The following ATXN7L1 variants were observed in gnomAD, a reference collection of about 807,000 sequenced individuals.
ATXN7L1 encodes ataxin 7 like 1, also known as ataxin-7-like protein 1.
In ATXN7L1, 15 loss-of-function variants were observed where a neutral mutation model predicts 70.8. That is an observed-to-expected ratio of 0.21 (90% CI 0.14 to 0.33). The LOEUF is 0.33. Ranked by LOEUF, ATXN7L1 falls within the 10% of genes least tolerant of loss-of-function variation. ATXN7L1 has a pLI of 1.00. For synonymous variants in ATXN7L1, 440 were observed against 445.1 expected, an observed-to-expected ratio of 0.99 and a Z score of 0.14; for missense variants, 975 against 1,097.1, an observed-to-expected ratio of 0.89 and a Z score of 1.57.
chr7:105,764,299 AAG>A (rs1288144190), intron 3 of ATXN7L1, among the ~76,000 whole-genome samples: 3 of 151,702 alleles, frequency 2.0e-5, no homozygotes, highest in African/African-American at 2.4e-5. Flanking sequence ...GCAAAGCTTA[AAG>A]AAAAAAAAAA....
chr7:105,658,958 G>A lies in ATXN7L1; in HGVS notation c.578+6108C>T, dbSNP rs139013604. On this transcript the variant is annotated intron_variant, in intron 4 of 11. Transcript: ENST00000419735. ...TCAAGACCAGGCTGGCTAAGATGGT[G>A]AAACCCCGTCTCTACTGAAAACACA... 5.9e-3 allele frequency among the ~76,000 whole-genome samples: 892 copies of A among 152,316 alleles called. 9 individuals carry two copies. Among genetic ancestry groups the A allele is most frequent in the African/African-American group, 0.021 (864 of 41,570 alleles).
chr7:105,704,207 A>G lies in ATXN7L1; in HGVS notation c.356-38919T>C, dbSNP rs371682623. Among the ~76,000 whole-genome samples, 25 of 152,304 alleles carry G rather than the reference A, an allele frequency of 1.6e-4. No individual in the cohort carries two copies. In the East Asian group the frequency reaches 4.1e-3, roughly 25 times the overall value. On this transcript the variant is annotated intron_variant, in intron 3 of 11. Transcript: ENST00000419735. The stretch of plus-strand genomic sequence containing the variant: ...CCCTTAGTACATTTTCCTCATCACC[A>G]GATTTTGAGCCTCAGGAAAGCAGAG...
At chr7:105,668,531 A>G (rs761311883) in intron 3 of ATXN7L1, among the ~76,000 whole-genome samples, 1 of 152,000 alleles carries the variant, frequency 6.6e-6, no homozygotes, top group Non-Finnish European at 1.5e-5. Context: ...GAAGATTCTC[A>G]AGATCTCAGT....
chr7:105,741,595 A>G lies in ATXN7L1; in HGVS notation c.355+47009T>C, dbSNP rs371451868. 3.9e-5 allele frequency among the ~76,000 whole-genome samples: 6 copies of G among 152,278 alleles called. No individual in the cohort carries two copies. In the East Asian group the frequency reaches 1.2e-3, roughly 29 times the overall value. On this transcript the variant is annotated intron_variant, in intron 3 of 11. Transcript: ENST00000419735. Reference sequence around the variant, plus strand: ...AGGGGTGATGGATCGGCCAGCTGGAAGGCAGTGTCAGCAATTCAGACATGG... The same window carrying G: ...AGGGGTGATGGATCGGCCAGCTGGAGGGCAGTGTCAGCAATTCAGACATGG...
intron 2 of ATXN7L1, 84 bp from the exon 3 acceptor site, chr7:105,788,792 A>G: frequency 8.6e-7 from 1 of 1,163,264 alleles, no homozygotes; most frequent in Non-Finnish European, 1.3e-6. Context: ...AATTTCTTCA[A>G]GGACAGTTTT....
intron 3 of ATXN7L1, chr7:105,761,551 C>A: frequency 6.6e-7 from 1 of 1,521,474 alleles, no homozygotes; most frequent in Non-Finnish European, 9.0e-7. Context: ...ATTACTCATG[C>A]CAATTGCCAT....
intron 2 of ATXN7L1, among the ~76,000 whole-genome samples, chr7:105,822,596 C>T (rs892614249): frequency 6.6e-6 from 1 of 152,226 alleles, no homozygotes; most frequent in African/African-American, 2.4e-5. Context: ...GAGCGCCTTG[C>T]AGTTTATAAA....
In ATXN7L1 at chr7:105,614,074, C is replaced by G. The variant is rs188783768; in HGVS notation, c.2260G>C (p.Ala754Pro). The G allele has an allele frequency of 7.1e-6, 11 of 1,551,634 alleles. No homozygotes were observed. The highest frequency in any genetic ancestry group is 8.7e-6 in the Non-Finnish European group (10 of 1,147,006). Residue 754 changes from alanine (A) to proline (P), a missense_variant, in exon 10 of 12, where the codon GCA becomes CCA. By Grantham distance (27) the Ala-to-Pro change is conservative. Transcript: ENST00000419735. This position sits in a 1 kb window ranked among gnomAD's most constrained non-coding sequence, Gnocchi z 4.3. ...TGTGAGGCCAGAGAGAGGTCCCCTG[C>G]GTGGAGCGCAAGGGAGGGCACAGAG... ...PLSVPSLALHAGDLSLASHNA... is the reference protein window; with the variant it reads ...PLSVPSLALHPGDLSLASHNA...
intron 3 of ATXN7L1, among the ~76,000 whole-genome samples, chr7:105,686,930 C>A (rs992780130): frequency 6.6e-6 from 1 of 152,050 alleles, no homozygotes; most frequent in Non-Finnish European, 1.5e-5. Context: ...AGTGAAGGGG[C>A]CCAGAAGGGA....
intron 3 of ATXN7L1, among the ~76,000 whole-genome samples, chr7:105,786,086 A>G (rs1804252507): frequency 6.6e-6 from 1 of 152,158 alleles, no homozygotes; most frequent in African/African-American, 2.4e-5. Context: ...GTAAGTTTGT[A>G]TTTGTACTAG....
In ATXN7L1 at chr7:105,777,648, C is replaced by T. The variant is rs1334748220; in HGVS notation, c.355+10956G>A. ...AAATAGATCTCGAGTTTATCCTTTT[C>T]TCTCCATCTCCACGGCTACCACGAT... On this transcript the variant is annotated intron_variant, in intron 3 of 11. Transcript: ENST00000419735. 4.6e-5 allele frequency among the ~76,000 whole-genome samples: 7 copies of T among 152,198 alleles called. No individual in the cohort carries two copies. The East Asian group carries it at 1.3e-3, about 29-fold the overall frequency.
intron 4 of ATXN7L1, among the ~76,000 whole-genome samples, chr7:105,647,937 C>G (rs1226632348): frequency 6.6e-6 from 1 of 152,212 alleles, no homozygotes; most frequent in Non-Finnish European, 1.5e-5. Context: ...CAATCATACT[C>G]TACTGTCAAT....
chr7:105,853,323 T>C (rs1331991266), intron 2 of ATXN7L1, among the ~76,000 whole-genome samples: 1 of 152,118 alleles, frequency 6.6e-6, no homozygotes, highest in Non-Finnish European at 1.5e-5. Context: ...CCGAGGCGTG[T>C]AGATCACCTG....
At chr7:105,855,682 A>T (rs576166515) in intron 2 of ATXN7L1, among the ~76,000 whole-genome samples, 24 of 152,368 alleles carry the variant, frequency 1.6e-4, no homozygotes, top group African/African-American at 5.8e-4. Context: ...TGTGAGTTCC[A>T]CATCTGCAGT....
intron 2 of ATXN7L1, among the ~76,000 whole-genome samples, chr7:105,795,183 G>C (rs2116501079): frequency 6.6e-6 from 1 of 152,336 alleles, no homozygotes; most frequent in Middle Eastern, 3.4e-3. Context: ...TGGGACAACA[G>C]AATGGTTCCT....
chr7:105,810,143 G>A (rs1808222285), intron 2 of ATXN7L1, among the ~76,000 whole-genome samples: 1 of 152,192 alleles, frequency 6.6e-6, no homozygotes, highest in Admixed American at 6.5e-5. Context: ...TAGCAAGTAG[G>A]CTCACAGAGA....
intron 2 of ATXN7L1, among the ~76,000 whole-genome samples, chr7:105,836,474 G>T (rs1007075873): frequency 6.6e-6 from 1 of 152,182 alleles, no homozygotes; most frequent in African/African-American, 2.4e-5. Flanking sequence ...AAATGGTAGG[G>T]CAACAAACTC....
intron 2 of ATXN7L1, among the ~76,000 whole-genome samples, chr7:105,837,071 A>T (rs750290893): frequency 2.6e-5 from 4 of 152,032 alleles, no homozygotes; most frequent in Non-Finnish European, 5.9e-5. Flanking sequence ...AGCGCGAGAG[A>T]GTGAGTGGGT....
At chr7:105,820,730 T>A (rs1810013591) in intron 2 of ATXN7L1, among the ~76,000 whole-genome samples, 1 of 152,188 alleles carries the variant, frequency 6.6e-6, no homozygotes, top group Non-Finnish European at 1.5e-5. Flanking sequence ...ATTCCCAATG[T>A]TGAAGGTGGG....
Sources: gnomAD v4.1 joint callset for allele counts (sites outside exome capture counted in the v4.1 genomes callset) on GRCh38, gnomAD v4.1.1 for gene constraint, Gnocchi (gnomAD v3.1) non-coding constraint, MANE v1.5 for transcripts, NCBI Gene and HGNC (gene_info 2026-07-23, HGNC 2026-07-21) for gene names.